Variants in CLVS1 observed in about 807,000 individuals in gnomAD.
The protein encoded by CLVS1 is clavesin 1, also known as clavesin-1.
In CLVS1, 10 loss-of-function variants were observed where a neutral mutation model predicts 33.1. The ratio of observed to expected loss-of-function variants is 0.30; its 90% CI spans 0.19 to 0.51. The LOEUF is 0.51. Among genes scored for constraint, CLVS1 ranks in the 20% least tolerant of loss-of-function variants. CLVS1 has a pLI of 0.97. For missense variants in CLVS1, 343 were observed against 433.4 expected (o/e 0.79, Z 1.85); for synonymous variants, 163 against 166.1 (o/e 0.98, Z 0.14).
At chr8:61,033,161 A>AAGAAAGAAAGAGAAAG in the CLVS1 span, among the ~76,000 whole-genome samples, 30 of 92,130 alleles carry the variant, frequency 3.3e-4, 4 homozygotes, top group Non-Finnish European at 4.8e-4. Flanking sequence ...GAAAGAAAGA[A>AAGAAAGAAAGAGAAAG]AAAGAAAGAA....
chr8:61,101,341 T>G (rs913745192), intron 1 of CLVS1, among the ~76,000 whole-genome samples: 2 of 152,206 alleles, frequency 1.3e-5, no homozygotes, highest in African/African-American at 4.8e-5. Context: ...GTTGAGCATC[T>G]TTTTATGTGC....
At chr8:61,498,381 G>A (rs1428273833) in intron 5 of CLVS1, among the ~76,000 whole-genome samples, 1 of 152,110 alleles carries the variant, frequency 6.6e-6, no homozygotes, top group African/African-American at 2.4e-5. Flanking sequence ...TAATGTGTAG[G>A]GTTTGGGCAC....
chr8:61,497,682 A>C (rs1450943174), intron 5 of CLVS1, among the ~76,000 whole-genome samples: 2 of 152,236 alleles, frequency 1.3e-5, no homozygotes, highest in Non-Finnish European at 2.9e-5. Flanking sequence ...CATGCAAGAA[A>C]GAATTCAGGG....
At chr8:61,091,013 C>G (rs775518010) in intron 1 of CLVS1, 8 of 466,536 alleles carry the variant, frequency 1.7e-5, no homozygotes, top group Non-Finnish European at 3.4e-5. Flanking sequence ...CATTTGCACC[C>G]TAATCCCCAG....
chr8:61,240,871 A>G (rs1808683309), intron 2 of CLVS1, among the ~76,000 whole-genome samples: 1 of 149,266 alleles, frequency 6.7e-6, no homozygotes, highest in African/African-American at 2.5e-5. Flanking sequence ...TCAGAATTCT[A>G]AAATGAATGA....
At chr8:61,285,444 G>A (rs907170636), upstream of CLVS1, among the ~76,000 whole-genome samples, 1 of 152,076 alleles carries the variant, frequency 6.6e-6, no homozygotes, top group East Asian at 1.9e-4. Flanking sequence ...CACTCTGCTT[G>A]ACCTCCATTT....
chr8:61,325,205 T>C (rs943309183), intron 2 of CLVS1, among the ~76,000 whole-genome samples: 1 of 150,244 alleles, frequency 6.7e-6, no homozygotes, highest in Admixed American at 6.6e-5. Context: ...TACACACACA[T>C]ACACACACAC....
intron 2 of CLVS1, among the ~76,000 whole-genome samples, chr8:61,273,042 T>G (rs1408572046): frequency 6.6e-6 from 1 of 151,210 alleles, no homozygotes; most frequent in Non-Finnish European, 1.5e-5. Context: ...GGTGAGGAAC[T>G]GCGTTCCTTT....
At chr8:61,286,778 A>T (rs1029113909), upstream of CLVS1, among the ~76,000 whole-genome samples, 9 of 152,234 alleles carry the variant, frequency 5.9e-5, no homozygotes, top group African/African-American at 2.2e-4. Flanking sequence ...TAAATGTGAA[A>T]ACTTTAAGCA....
the CLVS1 span, among the ~76,000 whole-genome samples, chr8:61,017,304 A>C: frequency 6.6e-6 from 1 of 152,230 alleles, no homozygotes; most frequent in Non-Finnish European, 1.5e-5. Flanking sequence ...TTCGGTTGCC[A>C]TTAGCACATG....
At chr8:61,387,333 G>A (rs1019230386) in intron 3 of CLVS1, among the ~76,000 whole-genome samples, 2 of 152,090 alleles carry the variant, frequency 1.3e-5, no homozygotes, top group African/African-American at 2.4e-5. Flanking sequence ...GTTGCAGTGA[G>A]CCAAGATCAT....
At chr8:61,171,245 C>T (rs1346014329) in intron 2 of CLVS1, among the ~76,000 whole-genome samples, 6 of 152,068 alleles carry the variant, frequency 3.9e-5, no homozygotes, top group Non-Finnish European at 7.4e-5. Flanking sequence ...AATAGATTGT[C>T]ATTGAAATAG....
At chr8:61,067,557 C>T (rs1009837588) in intron 1 of CLVS1, among the ~76,000 whole-genome samples, 1 of 151,602 alleles carries the variant, frequency 6.6e-6, no homozygotes, top group Non-Finnish European at 1.5e-5. Context: ...CACAATAGTT[C>T]AAACTATTTT....
chr8:61,374,452 T>C (rs1249914734), intron 2 of CLVS1, among the ~76,000 whole-genome samples: 4 of 152,232 alleles, frequency 2.6e-5, no homozygotes, highest in African/African-American at 9.6e-5. Context: ...GGTTTACCAA[T>C]TGGGCATTTC....
intron 2 of CLVS1, among the ~76,000 whole-genome samples, chr8:61,318,565 T>C (rs1811089240): frequency 6.6e-6 from 1 of 152,238 alleles, no homozygotes; most frequent in Admixed American, 6.5e-5. Context: ...CTCCCTTTTA[T>C]TATTTCTATC....
chr8:61,136,717 G>A (rs1172728790), intron 2 of CLVS1, among the ~76,000 whole-genome samples: 1 of 152,260 alleles, frequency 6.6e-6, no homozygotes, highest in Non-Finnish European at 1.5e-5. Flanking sequence ...GAGAGGATCA[G>A]GAAAAGTAAC....
intron 2 of CLVS1, among the ~76,000 whole-genome samples, chr8:61,315,136 T>C (rs1162468484): frequency 1.3e-5 from 2 of 152,214 alleles, no homozygotes; most frequent in Non-Finnish European, 2.9e-5. Context: ...TGTCCGTCTC[T>C]GATATTTGTA....
intron 1 of CLVS1, among the ~76,000 whole-genome samples, chr8:61,093,024 G>A (rs1805279111): frequency 1.3e-5 from 2 of 152,104 alleles, no homozygotes; most frequent in Non-Finnish European, 2.9e-5. Context: ...ACCGCAAAAT[G>A]GGAAGGGCTC....
chr8:61,406,067 A>C lies in CLVS1; in HGVS notation c.630+29288A>C, dbSNP rs374744748. 5.9e-5 allele frequency among the ~76,000 whole-genome samples: 9 copies of C among 152,312 alleles called. No homozygotes were observed. The East Asian group carries it at 9.6e-4, about 16-fold the overall frequency. On this transcript the variant is annotated intron_variant, in intron 3 of 5. Coordinates refer to ENST00000325897, the MANE Select transcript of CLVS1 (RefSeq NM_173519.3). Reference sequence around the variant, plus strand: ...AGTAAGGTCCACCTAAATAATTCACACTTCCCTCTGAAACGTATGAGAGTC... The same window carrying C: ...AGTAAGGTCCACCTAAATAATTCACCCTTCCCTCTGAAACGTATGAGAGTC...
Sources: allele counts gnomAD v4.1 joint callset (sites outside exome capture counted in the v4.1 genomes callset), GRCh38; gene constraint gnomAD v4.1.1; transcripts MANE v1.5; gene names NCBI Gene and HGNC (gene_info 2026-07-23, HGNC 2026-07-21).